The following CELF2 variants were observed in gnomAD, a reference collection of about 807,000 sequenced individuals.
CELF2 encodes CUG triplet repeat RNA-binding protein 2.
Under a neutral mutation model 62.6 loss-of-function variants are expected in CELF2, and 8 were observed. The observed-to-expected ratio is 0.13, with a 90% CI of 0.07 to 0.23. CELF2 has a LOEUF of 0.23. Ranked by LOEUF, CELF2 falls within the 10% of genes least tolerant of loss-of-function variation. The pLI, the probability that CELF2 is intolerant of heterozygous loss-of-function variation, is 1.00. For missense variants in CELF2, 333 were observed against 671.0 expected (o/e 0.50, Z 5.56); for synonymous variants, 258 against 250.0 (o/e 1.03, Z -0.30).
chr10:10,955,262 G>A (rs2048768761), intron 2 of CELF2, among the ~76,000 whole-genome samples: 1 of 152,220 alleles, frequency 6.6e-6, no homozygotes, highest in African/African-American at 2.4e-5. Context: ...ATGTCTTTCT[G>A]GAACTAAAGT....
chr10:10,932,760 A>T (rs1439522475), intron 2 of CELF2, among the ~76,000 whole-genome samples: 1 of 152,096 alleles, frequency 6.6e-6, no homozygotes, highest in Non-Finnish European at 1.5e-5. Flanking sequence ...AAGTGCAGAG[A>T]AGAGAGAACA....
At position 11,227,836 on chromosome 10, in the gene CELF2, ACTCAT is replaced by A. The variant is rs2067151117; in HGVS notation, c.354+10333_354+10337del. Among the ~76,000 whole-genome samples the A allele has an allele frequency of 6.6e-6, 1 of 151,986 alleles. No homozygotes were observed. Among genetic ancestry groups the A allele is most frequent in the African/African-American group, 2.4e-5 (1 of 41,350 alleles). ...GAGAGCAAAGGATAGGCTCCTGCAAACTCATCTCCTCTCCTGGAGGCTTAACTGAG... is the reference window on the plus strand; with the variant it reads ...GAGAGCAAAGGATAGGCTCCTGCAAACTCCTCTCCTGGAGGCTTAACTGAG... On this transcript the variant is annotated intron_variant, in intron 3 of 12. Coordinates refer to ENST00000633077, the MANE Select transcript of CELF2 (RefSeq NM_001326342.2). This position sits in a 1 kb window ranked among gnomAD's most constrained non-coding sequence, Gnocchi z 4.8.
At chr10:10,823,699 T>G (rs1324522389) in intron 1 of CELF2, among the ~76,000 whole-genome samples, 1 of 152,214 alleles carries the variant, frequency 6.6e-6, no homozygotes, top group Admixed American at 6.5e-5. Flanking sequence ...TAAATTTTTA[T>G]AAGTATGGAT....
intron 5 of CELF2, among the ~76,000 whole-genome samples, chr10:11,261,848 C>G (rs891073236): frequency 2.0e-5 from 3 of 152,228 alleles, no homozygotes; most frequent in African/African-American, 7.2e-5. Flanking sequence ...TGTTTGCTCT[C>G]AGAAGCAGAG....
the CELF2 span, among the ~76,000 whole-genome samples, chr10:10,541,816 GCCT>G: frequency 6.6e-6 from 1 of 152,128 alleles, no homozygotes; most frequent in Non-Finnish European, 1.5e-5. Flanking sequence ...TCTTGTGCCA[GCCT>G]ATCTCATCCT....
At chr10:10,763,577 G>A in the CELF2 span, among the ~76,000 whole-genome samples, 2 of 152,208 alleles carry the variant, frequency 1.3e-5, no homozygotes, top group Non-Finnish European at 2.9e-5. Flanking sequence ...GAAGAAAATG[G>A]AAGGTGAAAC....
At chr10:10,907,755 A>G (rs533718695) in intron 1 of CELF2, among the ~76,000 whole-genome samples, 3 of 152,288 alleles carry the variant, frequency 2.0e-5, no homozygotes, top group Admixed American at 6.5e-5. Context: ...TCCCGTTGCT[A>G]CAGAAAAAAG....
chr10:10,797,393 A>AG (rs940164993), upstream of CELF2, among the ~76,000 whole-genome samples: 4 of 151,334 alleles, frequency 2.6e-5, no homozygotes, highest in Non-Finnish European at 5.9e-5. Context: ...TGCAACAAAG[A>AG]GAAAAAAAAA....
chr10:10,796,634 G>A (rs1201538678), upstream of CELF2, among the ~76,000 whole-genome samples: 4 of 152,136 alleles, frequency 2.6e-5, no homozygotes, highest in South Asian at 2.1e-4. Context: ...TTATAGTTGC[G>A]GACACTATTT....
At position 11,329,699 on chromosome 10, in the gene CELF2, G is replaced by A. The variant is rs1447562031; in HGVS notation, c.*646G>A. 2 of 152,442 alleles carry A rather than the reference G, an allele frequency of 1.3e-5. No homozygotes were observed. The highest frequency in any genetic ancestry group is 2.9e-5 in the Non-Finnish European group (2 of 68,016). The allele number at this position is 152,442 out of a possible 1,614,324, so 9.4% of individuals were successfully genotyped here. A position where few individuals can be genotyped will look rare whatever the true frequency, so the allele number is the denominator to read the frequency against. On this transcript the variant is annotated 3_prime_UTR_variant, in exon 13 of 13. Transcript: ENST00000633077. The surrounding 1 kb of genome is among the most constrained non-coding windows in gnomAD (Gnocchi z 5.5). ...AAATATTACACTGGTTGTCTATTTT[G>A]TTATTGTTTTATTTTAGTTTTTAGA...
chr10:11,037,381 TGAG>T (rs1380987420), intron 1 of CELF2, among the ~76,000 whole-genome samples: 1 of 152,240 alleles, frequency 6.6e-6, no homozygotes, highest in Non-Finnish European at 1.5e-5. Context: ...GAGATTTGTG[TGAG>T]GACACAGCCA....
At chr10:10,903,575 TG>T (rs1391065269) in intron 1 of CELF2, among the ~76,000 whole-genome samples, 1 of 152,172 alleles carries the variant, frequency 6.6e-6, no homozygotes, top group Non-Finnish European at 1.5e-5. Context: ...GATGAGTCAA[TG>T]TGTAAAAATT....
At chr10:10,498,651 C>A in the CELF2 span, among the ~76,000 whole-genome samples, 8 of 152,278 alleles carry the variant, frequency 5.3e-5, no homozygotes, top group Admixed American at 2.0e-4. Context: ...TTCCTCTAGC[C>A]TCTTCCCCAT....
chr10:10,961,516 G>A (rs1250768550), intron 2 of CELF2, among the ~76,000 whole-genome samples: 1 of 152,102 alleles, frequency 6.6e-6, no homozygotes, highest in Non-Finnish European at 1.5e-5. Context: ...GGAGGCTGAG[G>A]TGAGCGGATC....
the CELF2 span, among the ~76,000 whole-genome samples, chr10:10,655,288 C>T: frequency 7.3e-6 from 1 of 137,332 alleles, no homozygotes; most frequent in Non-Finnish European, 1.6e-5. Context: ...TGAAAATGGC[C>T]ATACTGCCCA....
chr10:10,666,890 AAG>A, the CELF2 span, among the ~76,000 whole-genome samples: 1 of 151,624 alleles, frequency 6.6e-6, no homozygotes, highest in African/African-American at 2.4e-5. Flanking sequence ...GAAAAAAAAA[AAG>A]AAAGAAGATG....
At position 11,326,399 on chromosome 10, in the gene CELF2, G is replaced by A. The variant is rs185897763; in HGVS notation, c.1438+420G>A. 2.6e-3 allele frequency among the ~76,000 whole-genome samples: 397 copies of A among 152,336 alleles called. 1 individual carries two copies. The highest frequency in any genetic ancestry group is 8.8e-3 in the African/African-American group (366 of 41,564). ...ACATCCATGTGTTCAGGCTGCTTGC[G>A]TGATCGCAGCTCCACGTGCCCGGGA... On this transcript the variant is annotated intron_variant, in intron 12 of 12. Coordinates refer to ENST00000633077, the MANE Select transcript of CELF2 (RefSeq NM_001326342.2).
chr10:10,975,911 C>T (rs1217839182), intron 2 of CELF2, among the ~76,000 whole-genome samples: 1 of 152,172 alleles, frequency 6.6e-6, no homozygotes, highest in Non-Finnish European at 1.5e-5. Flanking sequence ...TATTTATACT[C>T]CTATAAACCC....
At chr10:10,883,120 C>A in intron 1 of CELF2, among the ~76,000 whole-genome samples, 1 of 152,124 alleles carries the variant, frequency 6.6e-6, no homozygotes, top group East Asian at 1.9e-4. Context: ...CTCAAAAATA[C>A]TCTGTCATTC....
Sources: gnomAD v4.1 joint callset for allele counts (sites outside exome capture counted in the v4.1 genomes callset) on GRCh38, gnomAD v4.1.1 for gene constraint, Gnocchi (gnomAD v3.1) non-coding constraint, MANE v1.5 for transcripts, NCBI Gene and HGNC (gene_info 2026-07-23, HGNC 2026-07-21) for gene names.